Variants in AGBL4 observed in about 807,000 individuals in gnomAD.
AGBL4 encodes AGBL carboxypeptidase 4, also known as cytosolic carboxypeptidase 6.
In AGBL4, 58 loss-of-function variants were observed where a neutral mutation model predicts 66.4. The ratio of observed to expected loss-of-function variants is 0.87; its 90% CI spans 0.71 to 1.09. The LOEUF is 1.09. Ranked by LOEUF, AGBL4 falls within the 50% of genes least tolerant of loss-of-function variation. The pLI, the probability that AGBL4 is intolerant of heterozygous loss-of-function variation, is 0.00. For synonymous variants in AGBL4, 234 were observed against 222.9 expected, an observed-to-expected ratio of 1.05 and a Z score of -0.44; for missense variants, 579 against 631.0, an observed-to-expected ratio of 0.92 and a Z score of 0.88.
chr1:50,016,380 G>A (rs991380124), intron 1 of AGBL4, among the ~76,000 whole-genome samples: 1 of 152,260 alleles, frequency 6.6e-6, no homozygotes, highest in Non-Finnish European at 1.5e-5. Flanking sequence ...TGGCCAACAT[G>A]GCAAAACCCA....
intron 6 of AGBL4, among the ~76,000 whole-genome samples, chr1:48,743,917 C>G (rs1391646549): frequency 1.3e-5 from 2 of 152,190 alleles, no homozygotes; most frequent in Admixed American, 1.3e-4. Context: ...CTGGCAGCTG[C>G]TAACTGAAAG....
chr1:49,055,712 G>T (rs1644296084), intron 4 of AGBL4, among the ~76,000 whole-genome samples: 1 of 151,856 alleles, frequency 6.6e-6, no homozygotes, highest in South Asian at 2.1e-4. Context: ...TAATTACTTT[G>T]ATTTTAAGAA....
chr1:49,138,437 T>C (rs1188852885), intron 4 of AGBL4, among the ~76,000 whole-genome samples: 1 of 152,188 alleles, frequency 6.6e-6, no homozygotes, highest in Non-Finnish European at 1.5e-5. Context: ...ACCAAAATAC[T>C]GAGTAATCCA....
At chr1:49,779,489 A>G (rs2147901171) in intron 2 of AGBL4, among the ~76,000 whole-genome samples, 1 of 152,216 alleles carries the variant, frequency 6.6e-6, no homozygotes, top group East Asian at 1.9e-4. Flanking sequence ...CTTTCTGTAG[A>G]GGAAAGGAGA....
intron 3 of AGBL4, among the ~76,000 whole-genome samples, chr1:49,481,850 A>C (rs932207572): frequency 6.6e-6 from 1 of 151,606 alleles, no homozygotes; most frequent in African/African-American, 2.4e-5. Flanking sequence ...GTGAAATTTT[A>C]TCAAAAGGCT....
At chr1:48,866,160 G>A (rs1272137830) in intron 6 of AGBL4, among the ~76,000 whole-genome samples, 1 of 152,144 alleles carries the variant, frequency 6.6e-6, no homozygotes. Context: ...TAATTGCTAG[G>A]ATAGTGACTA....
At chr1:49,641,486 C>T (rs1222320626) in intron 3 of AGBL4, among the ~76,000 whole-genome samples, 2 of 152,062 alleles carry the variant, frequency 1.3e-5, no homozygotes, top group Non-Finnish European at 2.9e-5. Context: ...TTTCGTTCCA[C>T]AATGTTTCCC....
intron 4 of AGBL4, among the ~76,000 whole-genome samples, chr1:49,071,246 A>G (rs984374786): frequency 6.6e-6 from 1 of 151,408 alleles, no homozygotes; most frequent in South Asian, 2.1e-4. Flanking sequence ...TATCTCCTTC[A>G]GTTCTGTTCT....
intron 3 of AGBL4, among the ~76,000 whole-genome samples, chr1:49,499,617 GT>G (rs1241200007): frequency 2.0e-5 from 3 of 150,750 alleles, no homozygotes; most frequent in Non-Finnish European, 4.4e-5. Flanking sequence ...ATGATATCTG[GT>G]TTTCCATTAT....
intron 5 of AGBL4, among the ~76,000 whole-genome samples, chr1:48,889,520 G>A (rs111848676): frequency 2.0e-5 from 3 of 152,296 alleles, no homozygotes; most frequent in African/African-American, 7.2e-5. Context: ...AAAATAAATT[G>A]TACATAAGCT....
chr1:49,579,844 C>A (rs1376152190), intron 3 of AGBL4, among the ~76,000 whole-genome samples: 1 of 152,104 alleles, frequency 6.6e-6, no homozygotes, highest in African/African-American at 2.4e-5. Flanking sequence ...GTCTAAAGTC[C>A]AATTTAAGTC....
At chr1:48,703,082 A>G (rs774033456) in intron 6 of AGBL4, among the ~76,000 whole-genome samples, 2 of 152,238 alleles carry the variant, frequency 1.3e-5, no homozygotes, top group Non-Finnish European at 2.9e-5. Flanking sequence ...GGGCCTTTAA[A>G]GAGATACACT....
chr1:48,719,074 CTT>C lies in AGBL4; in HGVS notation c.635-55835_635-55834del, dbSNP rs769283045. 1.2e-4 allele frequency among the ~76,000 whole-genome samples: 18 copies of C among 152,326 alleles called. No individual in the cohort carries two copies. The South Asian group carries it at 2.5e-3, about 21-fold the overall frequency. On this transcript the variant is annotated intron_variant, in intron 6 of 13. Transcript: ENST00000371839. ...AGGTCATGTTCCTGAAACCCACACT[CTT>C]TTACTCCACATCCCATGCTGTTCCC...
At chr1:49,007,530 C>A (rs905329924) in intron 5 of AGBL4, among the ~76,000 whole-genome samples, 4 of 148,648 alleles carry the variant, frequency 2.7e-5, no homozygotes, top group Non-Finnish European at 4.5e-5. Flanking sequence ...CAGAGAACGC[C>A]ACAAAGATAC....
Position 48,830,238 on chromosome 1 carries a change from C to G in AGBL4, c.634+36953G>C, listed in dbSNP as rs149369072. Reference sequence around the variant, plus strand: ...ATAATGTTAATTAACATTTGTAGAACTCTTGCTATATGCCAGGCAGTATCC... The same window carrying G: ...ATAATGTTAATTAACATTTGTAGAAGTCTTGCTATATGCCAGGCAGTATCC... On this transcript the variant is annotated intron_variant, in intron 6 of 13. Transcript: ENST00000371839. Among the ~76,000 whole-genome samples the G allele has an allele frequency of 2.4e-3, 370 of 152,300 alleles. 1 individual carries two copies. Among genetic ancestry groups the G allele is most frequent in the African/African-American group, 8.7e-3 (362 of 41,564 alleles).
At chr1:48,882,446 T>C (rs976249728) in intron 5 of AGBL4, among the ~76,000 whole-genome samples, 7 of 152,234 alleles carry the variant, frequency 4.6e-5, no homozygotes, top group African/African-American at 1.4e-4. Context: ...TAATATGTTT[T>C]AATACACTCA....
chr1:48,789,293 TA>T (rs1403652013), intron 6 of AGBL4, among the ~76,000 whole-genome samples: 26 of 39,634 alleles, frequency 6.6e-4, no homozygotes, highest in East Asian at 9.2e-3. Flanking sequence ...TATATATATA[TA>T]TTTTTTTTTT....
intron 6 of AGBL4, among the ~76,000 whole-genome samples, chr1:48,828,034 A>G (rs1460119905): frequency 1.3e-5 from 2 of 151,010 alleles, no homozygotes; most frequent in Non-Finnish European, 3.0e-5. Context: ...ACACACACAC[A>G]CACACACACA....
At chr1:49,792,944 AT>A (rs1423299036) in intron 2 of AGBL4, among the ~76,000 whole-genome samples, 1 of 152,054 alleles carries the variant, frequency 6.6e-6, no homozygotes, top group East Asian at 1.9e-4. Context: ...GAGAATAATA[AT>A]ATGCATTTCA....
Sources: gnomAD v4.1 joint callset for allele counts (sites outside exome capture counted in the v4.1 genomes callset) on GRCh38, gnomAD v4.1.1 for gene constraint, MANE v1.5 for transcripts, NCBI Gene and HGNC (gene_info 2026-07-23, HGNC 2026-07-21) for gene names.